Variants in RBM20 observed in about 807,000 individuals in gnomAD.
RBM20 encodes RNA-binding protein 20.
RBM20 carries 51 observed loss-of-function variants against 110.1 expected under a neutral mutation model. The ratio of observed to expected loss-of-function variants is 0.46; its 90% confidence interval spans 0.37 to 0.59. The LOEUF is 0.59. Ranked by LOEUF, RBM20 falls within the 20% of genes least tolerant of loss-of-function variation. RBM20 has a pLI of 0.00. For synonymous variants in RBM20, 589 were observed against 618.2 expected (o/e 0.95, Z 0.70); for missense variants, 1,512 against 1,574.9 (o/e 0.96, Z 0.68).
intron 3 of RBM20, among the ~76,000 whole-genome samples, chr10:110,784,128 G>T (rs578237547): frequency 6.6e-6 from 1 of 152,256 alleles, no homozygotes; most frequent in African/African-American, 2.4e-5. Flanking sequence ...TCACATTCTT[G>T]TTTATCCATT....
chr10:110,763,979 T>G (rs1028878226), intron 1 of RBM20, among the ~76,000 whole-genome samples: 4 of 152,092 alleles, frequency 2.6e-5, no homozygotes, highest in African/African-American at 9.7e-5. Flanking sequence ...GACAACAAAC[T>G]GTTTCCAGCA....
chr10:110,673,446 G>A lies in RBM20; in HGVS notation c.191+28801G>A, dbSNP rs562555591. ...AGGCTGGTCTCAAACTCCTGACCTC[G>A]TGATCCACCCAGCTCGGCCTCCCAA... On this transcript the variant is annotated intron_variant, in intron 1 of 13. Coordinates refer to ENST00000369519, the MANE Select transcript of RBM20 (RefSeq NM_001134363.3). Among the ~76,000 whole-genome samples, 9 of 152,226 alleles carry A rather than the reference G, an allele frequency of 5.9e-5. No individual in the cohort carries two copies. In the South Asian group the frequency reaches 6.2e-4, roughly 11 times the overall value.
At chr10:110,643,924 C>A (rs1241353342), upstream of RBM20, among the ~76,000 whole-genome samples, 1 of 152,192 alleles carries the variant, frequency 6.6e-6, no homozygotes, top group African/African-American at 2.4e-5. Flanking sequence ...CGCGCTCGGT[C>A]CGCCCGGCTT....
At chr10:110,700,098 G>A (rs766192520) in intron 1 of RBM20, among the ~76,000 whole-genome samples, 11 of 152,104 alleles carry the variant, frequency 7.2e-5, no homozygotes, top group Non-Finnish European at 1.3e-4. Context: ...TTTGGACCAC[G>A]CTTGACTGTG....
intron 1 of RBM20, among the ~76,000 whole-genome samples, chr10:110,727,455 TGA>T (rs1843576344): frequency 6.7e-6 from 1 of 149,370 alleles, no homozygotes; most frequent in Non-Finnish European, 1.5e-5. Flanking sequence ...CTCACAGATG[TGA>T]GACACTATCT....
intron 12 of RBM20, among the ~76,000 whole-genome samples, chr10:110,829,818 G>A (rs1166872899): frequency 1.3e-5 from 2 of 152,118 alleles, no homozygotes; most frequent in African/African-American, 2.4e-5. Context: ...AGAAATTGCT[G>A]TTCCCCTGCC....
chr10:110,727,499 G>C (rs567834334), intron 1 of RBM20, among the ~76,000 whole-genome samples: 1 of 151,496 alleles, frequency 6.6e-6, no homozygotes, highest in Non-Finnish European at 1.5e-5. Context: ...ATGTAGTTGG[G>C]TTGACTTTTA....
intron 13 of RBM20, among the ~76,000 whole-genome samples, chr10:110,831,691 A>AAAC (rs1845058365): frequency 6.6e-6 from 1 of 151,216 alleles, no homozygotes; most frequent in African/African-American, 2.4e-5. Flanking sequence ...AAAAAAAAAA[A>AAAC]CACTGCTTTG....
Position 110,838,565 on chromosome 10 carries a change from A to C in RBM20, c.*2587A>C, listed in dbSNP as rs1170983300. 6.6e-6 allele frequency: 1 copy of C among 152,228 alleles called. No homozygotes were observed. The highest frequency in any genetic ancestry group is 1.5e-5 in the Non-Finnish European group (1 of 68,050). 9.4% of individuals were successfully genotyped at this position (152,228 alleles called of 1,614,324 possible). On this transcript the variant is annotated 3_prime_UTR_variant, in exon 14 of 14. Transcript: ENST00000369519. ...TTTTTATCAGAGGTTAGAACTGTAC[A>C]TTATCAGAGAGACTGGACACTTTAT...
intron 7 of RBM20, among the ~76,000 whole-genome samples, 167 bp from the exon 8 acceptor site, chr10:110,810,216 G>A (rs894804979): frequency 1.3e-5 from 2 of 152,162 alleles, no homozygotes; most frequent in African/African-American, 4.8e-5. Context: ...ACCCAGTTCA[G>A]CATTATACTC....
In RBM20 at chr10:110,644,595, GC is replaced by G; in HGVS notation, c.145del (p.Gln49SerfsTer55). On this transcript the variant is annotated frameshift_variant, in exon 1 of 14. Transcript: ENST00000369519. LOFTEE classifies it high-confidence loss of function. The surrounding 1 kb of genome is among the most constrained non-coding windows in gnomAD (Gnocchi z 4.3). ...PRGMQQPPPPPQPPPPPQAGL... is the reference protein window; with the variant it reads ...PRGMQQPPPPXQPPPPPQAGL... ...GAGGGATGCAGCAGCCGCCGCCGCC[GC>G]CCCAGCCACCGCCCCCGCCCCAAGC... The G allele has an allele frequency of 2.0e-6, 3 of 1,518,390 alleles. No individual in the cohort carries two copies. Among genetic ancestry groups the G allele is most frequent in the Admixed American group, 2.1e-5 (1 of 48,672 alleles). The allele number at this position is 1,518,390 out of a possible 1,614,324, so 94.1% of individuals were successfully genotyped here.
At chr10:110,745,840 T>C (rs1019385061) in intron 1 of RBM20, among the ~76,000 whole-genome samples, 24 of 152,198 alleles carry the variant, frequency 1.6e-4, no homozygotes, top group African/African-American at 4.8e-4. Context: ...GTTTACCATA[T>C]GGAAATAGCG....
At chr10:110,649,804 GA>G (rs1472366640) in intron 1 of RBM20, among the ~76,000 whole-genome samples, 3 of 152,200 alleles carry the variant, frequency 2.0e-5, no homozygotes, top group Non-Finnish European at 4.4e-5. Flanking sequence ...GTGGTTTGCA[GA>G]AAGGAGCACA....
chr10:110,648,965 A>G (rs1278176043), intron 1 of RBM20, among the ~76,000 whole-genome samples: 1 of 152,198 alleles, frequency 6.6e-6, no homozygotes, highest in Non-Finnish European at 1.5e-5. Flanking sequence ...AGCTGTTCTA[A>G]TGCCAGTGCT....
chr10:110,716,863 G>A (rs1863026343), intron 1 of RBM20, among the ~76,000 whole-genome samples: 2 of 150,344 alleles, frequency 1.3e-5, no homozygotes, highest in Non-Finnish European at 2.9e-5. Flanking sequence ...CTTGCAGTGA[G>A]CCGAGATCGT....
intron 12 of RBM20, among the ~76,000 whole-genome samples, chr10:110,825,394 A>G (rs897449768): frequency 9.9e-5 from 15 of 152,230 alleles, no homozygotes; most frequent in Non-Finnish European, 1.6e-4. Flanking sequence ...ACTGTTTTTC[A>G]TTATAGAAAG....
intron 1 of RBM20, among the ~76,000 whole-genome samples, chr10:110,652,019 A>G (rs2134807023): frequency 6.6e-6 from 1 of 152,382 alleles, no homozygotes; most frequent in South Asian, 2.1e-4. Flanking sequence ...ATACATGAGG[A>G]TGAACATAAG....
intron 1 of RBM20, among the ~76,000 whole-genome samples, chr10:110,728,308 T>C (rs763081553): frequency 2.4e-4 from 37 of 152,164 alleles, no homozygotes; most frequent in Non-Finnish European, 4.3e-4. Context: ...CCAGGGCCCC[T>C]GCCATAAATC....
intron 1 of RBM20, among the ~76,000 whole-genome samples, chr10:110,663,938 G>T (rs1265673712): frequency 6.6e-6 from 1 of 152,080 alleles, no homozygotes; most frequent in Non-Finnish European, 1.5e-5. Context: ...CAATTATGTT[G>T]CAATCATTAG....
Sources: allele counts gnomAD v4.1 joint callset (sites outside exome capture counted in the v4.1 genomes callset), GRCh38; gene constraint gnomAD v4.1.1; non-coding constraint Gnocchi (gnomAD v3.1); transcripts MANE v1.5; gene names NCBI Gene and HGNC (gene_info 2026-07-23, HGNC 2026-07-21).